Variants in SH2B1 observed in about 807,000 individuals in gnomAD.
SH2B1 encodes the protein SH2B adapter protein 1.
Under a neutral mutation model 62.6 loss-of-function variants are expected in SH2B1, and 15 were observed. That is an observed-to-expected ratio of 0.24 (90% confidence interval 0.16 to 0.37). SH2B1 has a LOEUF of 0.37. Ranked by LOEUF, SH2B1 falls within the 10% of genes least tolerant of loss-of-function variation. The pLI is 1.00. For synonymous variants in SH2B1, 443 were observed against 438.0 expected (o/e 1.01, Z -0.14); for missense variants, 925 against 1,015.6 (o/e 0.91, Z 1.21).
chr16:28,871,829 C>T lies in SH2B1; in HGVS notation c.1359C>T (p.Ser453=), dbSNP rs1963056632. The T allele has an allele frequency of 3.7e-6, 6 of 1,613,976 alleles. 1 individual carries two copies. The African/African-American group carries it at 4.0e-5, about 11-fold the overall frequency. The change falls in exon 5 of 8, where the codon AGC becomes AGT. Residue 453 remains serine (S), a synonymous_variant. Coordinates refer to ENST00000684370, the MANE Select transcript of SH2B1 (RefSeq NM_001387430.1). ...GCCCCTCGGCATCCATCTCCCCCAG[C>T]TCTGCCTCCATTGCCGCCTCCCATT... ...SDRPSASISP[S]SASIAASHFD... is the part of the protein sequence containing the mutation.
chr16:28,868,990 C>G lies in SH2B1; in HGVS notation c.1042-16C>G. On this transcript the variant is annotated splice_polypyrimidine_tract_variant and intron_variant, in intron 2 of 7. Coordinates refer to ENST00000684370, the MANE Select transcript of SH2B1 (RefSeq NM_001387430.1). Reference sequence around the variant, plus strand: ...CCTGCCCCTGCCCCAGCTGAGGCGTCGTCTCATCTCTGTAGGTGGAAGGTC... The same window carrying G: ...CCTGCCCCTGCCCCAGCTGAGGCGTGGTCTCATCTCTGTAGGTGGAAGGTC... 1 of 1,605,020 alleles carries G rather than the reference C, an allele frequency of 6.2e-7. No individual in the cohort carries two copies. The highest frequency in any genetic ancestry group is 1.7e-4 in the Middle Eastern group (1 of 6,044).
chr16:28,872,473 A>G lies in SH2B1; in HGVS notation c.1726-61A>G. 6.4e-7 allele frequency: 1 copy of G among 1,571,236 alleles called. No individual in the cohort carries two copies. The highest frequency in any genetic ancestry group is 8.7e-7 in the Non-Finnish European group (1 of 1,153,484). On this transcript the variant is annotated intron_variant, in intron 6 of 7. Coordinates refer to ENST00000684370, the MANE Select transcript of SH2B1 (RefSeq NM_001387430.1). This position sits in a 1 kb window ranked among gnomAD's most constrained non-coding sequence, Gnocchi z 5.3. ...TGGGGTGGGGGAGCACTGCCGGGGG[A>G]GGGGGTTTGTACCTGGCAGGGCCTT... is the stretch of plus-strand genomic sequence containing the variant.
chr16:28,873,995 G>A lies in SH2B1; in HGVS notation c.*175G>A, dbSNP rs1023300071. 14 of 535,354 alleles carry A rather than the reference G, an allele frequency of 2.6e-5. No homozygotes were observed. The highest frequency in any genetic ancestry group is 3.5e-5 in the Non-Finnish European group (12 of 346,222). 33.2% of individuals were successfully genotyped at this position (535,354 alleles called of 1,614,324 possible). ...GGAGAGGCTCCCGTCACACACTACA[G>A]GTCCCCTCCCCAGGGCAGGGGATTT... On this transcript the variant is annotated 3_prime_UTR_variant, in exon 8 of 8. Coordinates refer to ENST00000684370, the MANE Select transcript of SH2B1 (RefSeq NM_001387430.1). The surrounding 1 kb of genome is among the most constrained non-coding windows in gnomAD (Gnocchi z 4.2).
intron 1 of SH2B1, among the ~76,000 whole-genome samples, chr16:28,850,312 G>C (rs955510667): frequency 6.6e-6 from 1 of 152,110 alleles, no homozygotes; most frequent in Admixed American, 6.5e-5. Context: ...AGCTACTGCC[G>C]GGGGCACTGA....
In SH2B1 at chr16:28,864,732, C is replaced by G. The variant is rs979485342; in HGVS notation, c.-1363C>G. ...AGCCAAGGGTTGTAAATTCCACACC[C>G]AGCTCTGCCACTTTCTAGTTGTAAG... is the stretch of plus-strand genomic sequence containing the variant. On this transcript the variant is annotated 5_prime_UTR_variant, in exon 1 of 8. Coordinates refer to ENST00000684370, the MANE Select transcript of SH2B1 (RefSeq NM_001387430.1). The G allele has an allele frequency of 2.3e-6, 2 of 873,438 alleles. No homozygotes were observed. The highest frequency in any genetic ancestry group is 3.6e-5 in the African/African-American group (2 of 54,960). 54.1% of individuals were successfully genotyped at this position (873,438 alleles called of 1,614,324 possible).
At position 28,873,889 on chromosome 16, in the gene SH2B1, C is replaced by T. The variant is rs1359138544; in HGVS notation, c.*69C>T. 20 of 1,336,860 alleles carry T rather than the reference C, an allele frequency of 1.5e-5. No homozygotes were observed. The highest frequency in any genetic ancestry group is 1.9e-6 in the Non-Finnish European group (2 of 1,043,776). The allele number at this position is 1,336,860 out of a possible 1,614,324, so 82.8% of individuals were successfully genotyped here. ...CTCGTGAGATTGGGCTGGGTAGGGA[C>T]AGAGGAGGCCGAAATCCCTCCCCCA... On this transcript the variant is annotated 3_prime_UTR_variant, in exon 8 of 8. Transcript: ENST00000684370. The surrounding 1 kb of genome is among the most constrained non-coding windows in gnomAD (Gnocchi z 4.2).
intron 1 of SH2B1, among the ~76,000 whole-genome samples, chr16:28,851,453 TTTC>T (rs1312197582): frequency 5.7e-5 from 8 of 140,738 alleles, no homozygotes; most frequent in Admixed American, 1.5e-4. Context: ...TCCCAACGCC[TTTC>T]TTCTTTTTTT....
intron 1 of SH2B1, among the ~76,000 whole-genome samples, chr16:28,849,601 G>T (rs1166957469): frequency 6.6e-6 from 1 of 151,998 alleles, no homozygotes. Flanking sequence ...TAAAAAAACA[G>T]ATCAACTTAA....
Position 28,866,895 on chromosome 16 carries a change from A to C in SH2B1, c.801A>C (p.Gly267=). ...AGGAGGCAGCCCCTGACCCAGCCGGAGTGGGCCGGGGAGGAGGGGTGGCTG... is the reference window on the plus strand; with the variant it reads ...AGGAGGCAGCCCCTGACCCAGCCGGCGTGGGCCGGGGAGGAGGGGTGGCTG... The part of the protein sequence containing the change: ...GAEEAAPDPA[G]VGRGGGVAGP... The change falls in exon 1 of 8, where the codon GGA becomes GGC. Residue 267 remains glycine, a synonymous_variant. Coordinates refer to ENST00000684370, the MANE Select transcript of SH2B1 (RefSeq NM_001387430.1). The surrounding 1 kb of genome is among the most constrained non-coding windows in gnomAD (Gnocchi z 6.3). 6.2e-7 allele frequency: 1 copy of C among 1,611,924 alleles called. No individual in the cohort carries two copies. Among genetic ancestry groups the C allele is most frequent in the Non-Finnish European group, 8.5e-7 (1 of 1,179,452 alleles).
Position 28,852,395 on chromosome 16 carries a change from C to CACATATATATTT in SH2B1, c.-301+5569_-301+5570insCATATATATTTA, listed in dbSNP as rs1567458453. Among the ~76,000 whole-genome samples the CACATATATATTT allele has an allele frequency of 1.2e-4, 2 of 16,158 alleles. 1 individual carries two copies. Among genetic ancestry groups the CACATATATATTT allele is most frequent in the Non-Finnish European group, 1.9e-4 (2 of 10,376 alleles). 10.6% of individuals were successfully genotyped at this position (16,158 alleles called of 152,430 possible). A position where few individuals can be genotyped will look rare whatever the true frequency, so the allele number is the denominator to read the frequency against. ...ATATTTACATATATTTATATATATA[C>CACATATATATTT]ATATATATTTACATATATATTTATA... On this transcript the variant is annotated intron_variant, in intron 1 of 10. Transcript: ENST00000322610.
chr16:28,853,749 C>T (rs1315501990), intron 1 of SH2B1, among the ~76,000 whole-genome samples: 2 of 151,328 alleles, frequency 1.3e-5, no homozygotes, highest in Admixed American at 1.3e-4. Context: ...CCTGTAATCC[C>T]AGCACTTTGG....
Position 28,872,157 on chromosome 16 carries a change from A to G in SH2B1, c.1514-33A>G. ...CCAGGATGGGGGAGGCTGCCCTGAC[A>G]CCCCGGTTTCCCTCCCTCTCTCCTT... On this transcript the variant is annotated intron_variant, in intron 5 of 7. Coordinates refer to ENST00000684370, the MANE Select transcript of SH2B1 (RefSeq NM_001387430.1). The surrounding 1 kb of genome is among the most constrained non-coding windows in gnomAD (Gnocchi z 5.3). The G allele has an allele frequency of 6.3e-7, 1 of 1,591,424 alleles. No individual in the cohort carries two copies.
In SH2B1 at chr16:28,872,520, C is replaced by T. The variant is rs62037369; in HGVS notation, c.1726-14C>T. On this transcript the variant is annotated splice_polypyrimidine_tract_variant and intron_variant, in intron 6 of 7. Coordinates refer to ENST00000684370, the MANE Select transcript of SH2B1 (RefSeq NM_001387430.1). The surrounding 1 kb of genome is among the most constrained non-coding windows in gnomAD (Gnocchi z 5.3). ...CCTTTGCCTCCTACCTCACCTCCCC[C>T]ATCCCGCCCTCAGCACCTGCGTTTG... 577,975 of 1,603,166 alleles carry T rather than the reference C, an allele frequency of 0.36. 112,290 individuals are homozygous for T. The highest frequency in any genetic ancestry group is 0.46 in the Admixed American group (27,173 of 59,692).
intron 4 of SH2B1, among the ~76,000 whole-genome samples, chr16:28,870,683 T>C (rs1008689281): frequency 1.3e-5 from 2 of 152,012 alleles, no homozygotes; most frequent in Non-Finnish European, 2.9e-5. Context: ...AAAAAATTAT[T>C]GTTTGTGTTT....
Position 28,867,027 on chromosome 16 carries a change from A to G in SH2B1, c.933A>G (p.Pro311=). The G allele has an allele frequency of 6.3e-7, 1 of 1,599,074 alleles. No individual in the cohort carries two copies. Among genetic ancestry groups the G allele is most frequent in the East Asian group, 2.2e-5 (1 of 44,856 alleles). ...GGGSRLEFFV[P]PKASRPRLSI... ...GAAGTCGCCTGGAGTTCTTTGTACC[A>G]CCCAAGGTGAGGCCCCTTGGAGGGT... is the stretch of plus-strand genomic sequence containing the variant. The change falls in exon 1 of 8, where the codon CCA becomes CCG. Residue 311 remains proline (P), a synonymous_variant. Coordinates refer to ENST00000684370, the MANE Select transcript of SH2B1 (RefSeq NM_001387430.1).
intron 1 of SH2B1, among the ~76,000 whole-genome samples, chr16:28,853,046 T>A (rs1263234232): frequency 8.1e-5 from 8 of 98,772 alleles, no homozygotes; most frequent in East Asian, 3.3e-4. Flanking sequence ...ACATATATAT[T>A]TATATATGTA....
At chr16:28,848,862 G>A (rs113079736) in intron 1 of SH2B1, among the ~76,000 whole-genome samples, 51,788 of 151,598 alleles carry the variant, frequency 0.34, 9,501 homozygotes, top group Admixed American at 0.41. Context: ...AATAGAGACG[G>A]GGTTTCACCA....
chr16:28,848,735 G>A (rs1253264496), intron 1 of SH2B1, among the ~76,000 whole-genome samples: 2 of 139,740 alleles, frequency 1.4e-5, no homozygotes, highest in Non-Finnish European at 3.0e-5. Flanking sequence ...GCAGTGACAC[G>A]ATCTCGGCTC....
At chr16:28,851,069 G>A (rs1326867925) in intron 1 of SH2B1, among the ~76,000 whole-genome samples, 1 of 150,842 alleles carries the variant, frequency 6.6e-6, no homozygotes, top group Admixed American at 6.6e-5. Context: ...AGCTACTCGG[G>A]AGGCTGAGGT....
Sources: gnomAD v4.1 joint callset for allele counts (sites outside exome capture counted in the v4.1 genomes callset) on GRCh38, gnomAD v4.1.1 for gene constraint, Gnocchi (gnomAD v3.1) non-coding constraint, MANE v1.5 for transcripts, NCBI Gene and HGNC (gene_info 2026-07-23, HGNC 2026-07-21) for gene names.